The following ROR1 variants were observed in gnomAD, a reference collection of about 807,000 sequenced individuals.
The protein encoded by ROR1 is inactive tyrosine-protein kinase transmembrane receptor ROR1.
A neutral mutation model predicts 78.8 loss-of-function variants in ROR1; 19 were observed. The observed-to-expected ratio is 0.24, with a 90% CI of 0.17 to 0.35. The LOEUF is 0.35. ROR1 is among the 10% of genes least tolerant of loss of function. The pLI is 1.00. For missense variants in ROR1, 917 were observed against 1,177.8 expected, an observed-to-expected ratio of 0.78 and a Z score of 3.24; for synonymous variants, 386 against 433.6, an observed-to-expected ratio of 0.89 and a Z score of 1.36.
chr1:64,045,829 C>A (rs962561696), intron 2 of ROR1, among the ~76,000 whole-genome samples: 7 of 152,150 alleles, frequency 4.6e-5, no homozygotes, highest in Non-Finnish European at 7.4e-5. Context: ...GGACACAGAG[C>A]TAGAGGTGGA....
intron 2 of ROR1, among the ~76,000 whole-genome samples, chr1:64,040,281 C>G (rs988169408): frequency 6.6e-6 from 1 of 152,092 alleles, no homozygotes; most frequent in Non-Finnish European, 1.5e-5. Context: ...AAGCCAGAAA[C>G]TTTGTATTCA....
Position 64,117,830 on chromosome 1 carries a change from A to G in ROR1, c.483-19539A>G, listed in dbSNP as rs532913511. Among the ~76,000 whole-genome samples the G allele has an allele frequency of 8.8e-4, 134 of 152,242 alleles. 1 individual carries two copies. Among genetic ancestry groups the G allele is most frequent in the Non-Finnish European group, 1.8e-3 (121 of 68,048 alleles). ...AAATATTAGGCAGCTCCCACAAGAC[A>G]TTCTCAGTCACAAACATGATCACCA... On this transcript the variant is annotated intron_variant, in intron 4 of 8. Transcript: ENST00000371079.
chr1:63,891,776 C>T (rs1055325993), intron 1 of ROR1, among the ~76,000 whole-genome samples: 1 of 152,080 alleles, frequency 6.6e-6, no homozygotes, highest in African/African-American at 2.4e-5. Context: ...CATCAAAGAT[C>T]CTAGTTCTTG....
At chr1:63,913,345 ATAAATCT>A (rs1452106826) in intron 1 of ROR1, among the ~76,000 whole-genome samples, 2 of 152,240 alleles carry the variant, frequency 1.3e-5, no homozygotes, top group East Asian at 1.9e-4. Context: ...TGGGAGAAAA[ATAAATCT>A]TAAATATTTT....
At chr1:63,990,475 C>T (rs938731506) in intron 1 of ROR1, among the ~76,000 whole-genome samples, 3 of 129,594 alleles carry the variant, frequency 2.3e-5, no homozygotes, top group African/African-American at 8.3e-5. Flanking sequence ...CTGAAAGTTC[C>T]CAAGCAGTTG....
At chr1:64,088,567 C>T (rs1647171100) in intron 4 of ROR1, among the ~76,000 whole-genome samples, 1 of 141,284 alleles carries the variant, frequency 7.1e-6, no homozygotes, top group Admixed American at 7.7e-5. Flanking sequence ...TTCCCTGAGC[C>T]AGCTCCACTT....
At chr1:63,858,952 C>G (rs1051179623) in intron 1 of ROR1, among the ~76,000 whole-genome samples, 1 of 151,974 alleles carries the variant, frequency 6.6e-6, no homozygotes. Flanking sequence ...AAATGTGTTC[C>G]GTCTTGGGAT....
intron 8 of ROR1, among the ~76,000 whole-genome samples, chr1:64,162,863 T>TTTTCC (rs1441506105): frequency 5.9e-5 from 9 of 152,306 alleles, no homozygotes; most frequent in Non-Finnish European, 2.9e-5. Context: ...TCTCTGTTTC[T>TTTTCC]TTTCCTTTGC....
chr1:63,991,118 T>C (rs1005159423), intron 1 of ROR1, among the ~76,000 whole-genome samples: 3 of 151,786 alleles, frequency 2.0e-5, no homozygotes, highest in East Asian at 3.9e-4. Flanking sequence ...TGTTTTGTTT[T>C]GTTTTGCTTT....
At chr1:63,837,992 C>T (rs1645028493) in intron 1 of ROR1, among the ~76,000 whole-genome samples, 1 of 152,036 alleles carries the variant, frequency 6.6e-6, no homozygotes, top group Non-Finnish European at 1.5e-5. Context: ...CCTAGAGAGG[C>T]TGTAGTTATT....
At chr1:64,086,737 C>T (rs1411749038) in intron 4 of ROR1, among the ~76,000 whole-genome samples, 2 of 152,154 alleles carry the variant, frequency 1.3e-5, no homozygotes, top group Admixed American at 6.5e-5. Flanking sequence ...CTTTTTTTCT[C>T]CTGTAGAACA....
At chr1:64,026,773 A>G (rs546240614) in intron 2 of ROR1, among the ~76,000 whole-genome samples, 7 of 152,198 alleles carry the variant, frequency 4.6e-5, no homozygotes, top group Non-Finnish European at 8.8e-5. Flanking sequence ...ATCTCATGAG[A>G]ACTCCTTCAT....
chr1:63,804,875 G>A (rs575712993), intron 1 of ROR1, among the ~76,000 whole-genome samples: 24 of 152,294 alleles, frequency 1.6e-4, no homozygotes, highest in African/African-American at 5.1e-4. Flanking sequence ...GAATCAGAAT[G>A]TCCCCTGAGG....
At chr1:64,034,578 T>C (rs973701027) in intron 2 of ROR1, among the ~76,000 whole-genome samples, 1 of 152,164 alleles carries the variant, frequency 6.6e-6, no homozygotes, top group African/African-American at 2.4e-5. Flanking sequence ...GCATTCTCTT[T>C]CCTTCCTATT....
intron 4 of ROR1, among the ~76,000 whole-genome samples, chr1:64,110,334 ACTTC>A (rs1265499805): frequency 6.6e-6 from 1 of 152,212 alleles, no homozygotes; most frequent in Non-Finnish European, 1.5e-5. Flanking sequence ...AGAGGCAAGT[ACTTC>A]CTTCTCCATT....
chr1:63,849,105 A>G (rs914818272), intron 1 of ROR1, among the ~76,000 whole-genome samples: 1 of 152,084 alleles, frequency 6.6e-6, no homozygotes, highest in Non-Finnish European at 1.5e-5. Context: ...AATGTTAAGG[A>G]TCTTAAAGTC....
chr1:63,883,120 A>T (rs1008889998), intron 1 of ROR1, among the ~76,000 whole-genome samples: 1 of 152,206 alleles, frequency 6.6e-6, no homozygotes, highest in African/African-American at 2.4e-5. Context: ...AGAAGTGAGG[A>T]TGCAGAGAAT....
chr1:64,171,662 A>G (rs933223093), intron 8 of ROR1, among the ~76,000 whole-genome samples: 30 of 152,200 alleles, frequency 2.0e-4, no homozygotes, highest in African/African-American at 7.0e-4. Flanking sequence ...TTTGGAGCTG[A>G]CTTATGAATA....
At chr1:64,155,341 G>A (rs1181992960) in intron 7 of ROR1, among the ~76,000 whole-genome samples, 3 of 152,168 alleles carry the variant, frequency 2.0e-5, no homozygotes, top group Non-Finnish European at 4.4e-5. Context: ...TCCCCTTCTG[G>A]CCAAATGCAG....
Sources: gnomAD v4.1 joint callset for allele counts (sites outside exome capture counted in the v4.1 genomes callset) on GRCh38, gnomAD v4.1.1 for gene constraint, MANE v1.5 for transcripts, NCBI Gene and HGNC (gene_info 2026-07-23, HGNC 2026-07-21) for gene names.